SAMD13: variants seen among roughly 807,000 people sequenced by gnomAD.
SAMD13 encodes sterile alpha motif domain-containing protein 13.
Under a neutral mutation model 12.4 loss-of-function variants are expected in SAMD13, and 9 were observed. That is an observed-to-expected ratio of 0.72 (90% CI 0.44 to 1.26). The LOEUF is 1.26. Ranked by LOEUF, SAMD13 falls within the 50% of genes most tolerant of loss-of-function variation. The pLI, the probability that SAMD13 is intolerant of heterozygous loss-of-function variation, is 0.00. For synonymous variants in SAMD13, 46 were observed against 45.4 expected (o/e 1.01, Z -0.05); for missense variants, 84 against 119.6 (o/e 0.70, Z 1.39).
chr1:84,314,410 T>C (rs987575793), intron 2 of SAMD13, among the ~76,000 whole-genome samples: 2 of 152,136 alleles, frequency 1.3e-5, no homozygotes, highest in Non-Finnish European at 2.9e-5. Flanking sequence ...ACTTCAGCAT[T>C]TGTTTATTTA....
intron 3 of SAMD13, among the ~76,000 whole-genome samples, chr1:84,346,838 T>C (rs1679545509): frequency 6.6e-6 from 1 of 152,202 alleles, no homozygotes; most frequent in Non-Finnish European, 1.5e-5. Flanking sequence ...TTAATCTCAG[T>C]AAATTTTCTG....
chr1:84,322,438 A>G (rs1388182326), intron 2 of SAMD13, among the ~76,000 whole-genome samples: 3 of 152,136 alleles, frequency 2.0e-5, no homozygotes, highest in African/African-American at 7.2e-5. Flanking sequence ...CAGTTCACAA[A>G]GAGGTGGGAG....
chr1:84,308,260 A>G (rs1184185726), intron 2 of SAMD13, among the ~76,000 whole-genome samples: 2 of 152,206 alleles, frequency 1.3e-5, no homozygotes, highest in South Asian at 2.1e-4. Context: ...ATATAGCCAC[A>G]GGTTCCTAGT....
chr1:84,305,720 G>A (rs1367974941), intron 2 of SAMD13, among the ~76,000 whole-genome samples: 2 of 152,122 alleles, frequency 1.3e-5, no homozygotes, highest in Non-Finnish European at 2.9e-5. Flanking sequence ...GCTTTGTGTG[G>A]TGGTGGTAGT....
chr1:84,309,839 A>G (rs915143327), intron 2 of SAMD13, among the ~76,000 whole-genome samples: 1 of 152,154 alleles, frequency 6.6e-6, no homozygotes, highest in African/African-American at 2.4e-5. Context: ...GACCAAGAAA[A>G]TGCAAGTAAA....
chr1:84,320,890 A>T (rs1386071158), intron 2 of SAMD13, among the ~76,000 whole-genome samples: 6 of 152,182 alleles, frequency 3.9e-5, no homozygotes, highest in Non-Finnish European at 8.8e-5. Flanking sequence ...TGTGGATTGC[A>T]TTTACCCAGA....
chr1:84,342,437 T>C (rs571620269), intron 3 of SAMD13, among the ~76,000 whole-genome samples: 83 of 152,230 alleles, frequency 5.5e-4, no homozygotes, highest in Middle Eastern at 3.4e-3. Context: ...GGAGGCATCA[T>C]GCTACCAGAC....
At chr1:84,301,383 T>A (rs1268078194), upstream of SAMD13, among the ~76,000 whole-genome samples, 1 of 152,186 alleles carries the variant, frequency 6.6e-6, no homozygotes, top group Non-Finnish European at 1.5e-5. Context: ...AAACATGACA[T>A]TCATGCTCAG....
At chr1:84,314,958 C>T (rs967123815) in intron 2 of SAMD13, among the ~76,000 whole-genome samples, 4 of 151,450 alleles carry the variant, frequency 2.6e-5, no homozygotes, top group African/African-American at 9.7e-5. Flanking sequence ...CCTTCCCTCC[C>T]TCCGTCCCTC....
At chr1:84,320,198 A>G (rs1428293932) in intron 2 of SAMD13, among the ~76,000 whole-genome samples, 1 of 152,206 alleles carries the variant, frequency 6.6e-6, no homozygotes, top group Non-Finnish European at 1.5e-5. Flanking sequence ...GAGCAGGACT[A>G]ATCCCTGGAA....
chr1:84,322,695 G>A (rs907652733), intron 2 of SAMD13, among the ~76,000 whole-genome samples: 4 of 152,118 alleles, frequency 2.6e-5, no homozygotes, highest in African/African-American at 7.2e-5. Context: ...ATCATTAAAT[G>A]TATTGGTTGG....
At chr1:84,326,754 C>T (rs528664586) in intron 3 of SAMD13, among the ~76,000 whole-genome samples, 2 of 152,252 alleles carry the variant, frequency 1.3e-5, no homozygotes, top group South Asian at 4.1e-4. Context: ...ATCCCTTCAG[C>T]CATTGTTCAT....
intron 2 of SAMD13, among the ~76,000 whole-genome samples, chr1:84,323,561 A>G (rs1429976060): frequency 6.6e-6 from 1 of 152,164 alleles, no homozygotes; most frequent in Non-Finnish European, 1.5e-5. Flanking sequence ...TAACGATCAC[A>G]TGTGCCATCG....
intron 2 of SAMD13, among the ~76,000 whole-genome samples, chr1:84,318,582 T>C (rs1270222629): frequency 2.0e-5 from 3 of 152,192 alleles, no homozygotes; most frequent in Non-Finnish European, 2.9e-5. Flanking sequence ...TCTGCAGTTG[T>C]TAGGTTGAAT....
At chr1:84,314,962 G>A (rs923037640) in intron 2 of SAMD13, among the ~76,000 whole-genome samples, 13 of 148,048 alleles carry the variant, frequency 8.8e-5, no homozygotes, top group African/African-American at 2.5e-4. Context: ...CCCTCCCTCC[G>A]TCCCTCCTTC....
At chr1:84,340,014 T>C (rs893523014) in intron 3 of SAMD13, among the ~76,000 whole-genome samples, 1 of 152,210 alleles carries the variant, frequency 6.6e-6, no homozygotes, top group African/African-American at 2.4e-5. Flanking sequence ...GGTGCATCTG[T>C]TGTGGAAAAT....
At chr1:84,313,424 A>G (rs1045437781) in intron 2 of SAMD13, among the ~76,000 whole-genome samples, 3 of 152,168 alleles carry the variant, frequency 2.0e-5, no homozygotes, top group Non-Finnish European at 2.9e-5. Flanking sequence ...TTTTAAATCC[A>G]TGTATTTAAG....
At chr1:84,302,249 G>A (rs1289343033) in intron 1 of SAMD13, among the ~76,000 whole-genome samples, 1 of 151,864 alleles carries the variant, frequency 6.6e-6, no homozygotes, top group Non-Finnish European at 1.5e-5. Flanking sequence ...GAGAAGGAGT[G>A]CCGAAGTATA....
chr1:84,350,203 C>T lies in SAMD13; in HGVS notation c.*429C>T, dbSNP rs138859424. 2.9e-3 allele frequency: 441 copies of T among 154,184 alleles called. No individual in the cohort carries two copies. Among genetic ancestry groups the T allele is most frequent in the Non-Finnish European group, 4.6e-3 (320 of 69,328 alleles). The allele number at this position is 154,184 out of a possible 1,614,324, so 9.6% of individuals were successfully genotyped here. On this transcript the variant is annotated 3_prime_UTR_variant, in exon 4 of 4. Transcript: ENST00000394834. ...GGAGAAAGAAGAAAGGGATTGCTGTCTCCCTTGAATTCCTCTGTTCCTTAG... is the reference window on the plus strand; with the variant it reads ...GGAGAAAGAAGAAAGGGATTGCTGTTTCCCTTGAATTCCTCTGTTCCTTAG...
Sources: allele counts gnomAD v4.1 joint callset (sites outside exome capture counted in the v4.1 genomes callset), GRCh38; gene constraint gnomAD v4.1.1; transcripts MANE v1.5; gene names NCBI Gene and HGNC (gene_info 2026-07-23, HGNC 2026-07-21).